EXOC4: variants seen among roughly 807,000 people sequenced by gnomAD.
EXOC4 encodes the protein exocyst complex component 4.
Under a neutral mutation model 107.2 loss-of-function variants are expected in EXOC4, and 71 were observed. The observed-to-expected ratio is 0.66, with a 90% CI of 0.55 to 0.81. The LOEUF is 0.81. EXOC4 is among the 30% of genes least tolerant of loss of function. EXOC4 has a pLI of 0.00. For missense variants in EXOC4, 1,108 were observed against 1,189.6 expected (o/e 0.93, Z 1.01); for synonymous variants, 456 against 441.2 (o/e 1.03, Z -0.42).
intron 6 of EXOC4, among the ~76,000 whole-genome samples, chr7:133,359,994 C>A (rs755225093): frequency 3.3e-5 from 5 of 152,086 alleles, no homozygotes; most frequent in Non-Finnish European, 5.9e-5. Flanking sequence ...AATATTCAAC[C>A]ACAATTATTG....
Position 133,809,453 on chromosome 7 carries a change from G to A in EXOC4, c.1515-7872G>A, listed in dbSNP as rs989543860. Among the ~76,000 whole-genome samples, 4 of 152,300 alleles carry A rather than the reference G, an allele frequency of 2.6e-5. No homozygotes were observed. The East Asian group carries it at 7.7e-4, about 29-fold the overall frequency. ...CTTGGACTAAAATGGAGATGAAAGA[G>A]TTCAGATTCATTTTTTTAGTCTTTA... On this transcript the variant is annotated intron_variant, in intron 10 of 17. Coordinates refer to ENST00000253861, the MANE Select transcript of EXOC4 (RefSeq NM_021807.4).
intron 9 of EXOC4, among the ~76,000 whole-genome samples, chr7:133,565,233 G>C (rs893077094): frequency 6.6e-6 from 1 of 152,138 alleles, no homozygotes; most frequent in South Asian, 2.1e-4. Context: ...GGCTTAGTTT[G>C]CTCTCCGAAG....
At chr7:133,841,284 G>T (rs1047499532) in intron 11 of EXOC4, among the ~76,000 whole-genome samples, 3 of 152,158 alleles carry the variant, frequency 2.0e-5, no homozygotes, top group African/African-American at 7.2e-5. Flanking sequence ...TCACCTTGGG[G>T]GTTAGGATTT....
At chr7:133,363,234 A>G (rs1563035912) in intron 6 of EXOC4, among the ~76,000 whole-genome samples, 1 of 152,216 alleles carries the variant, frequency 6.6e-6, no homozygotes, top group Non-Finnish European at 1.5e-5. Flanking sequence ...CTATTCTTCA[A>G]CTAGGATATG....
At position 133,319,873 on chromosome 7, in the gene EXOC4, AAAG is replaced by A. The variant is rs1458286481; in HGVS notation, c.763+2487_763+2489del. ...TTTTTTTTTTTTGTGCGTGACCAAA[AAAG>A]AAGGTAAAAATATTATTGATTAAAG... On this transcript the variant is annotated intron_variant, in intron 5 of 17. Coordinates refer to ENST00000253861, the MANE Select transcript of EXOC4 (RefSeq NM_021807.4). Among the ~76,000 whole-genome samples the A allele has an allele frequency of 9.3e-5, 14 of 150,652 alleles. No individual in the cohort carries two copies. In the East Asian group the frequency reaches 2.1e-3, roughly 23 times the overall value.
intron 17 of EXOC4, among the ~76,000 whole-genome samples, chr7:134,046,113 G>C (rs1341196937): frequency 7.2e-5 from 11 of 152,118 alleles, no homozygotes; most frequent in African/African-American, 2.2e-4. Flanking sequence ...CAGATCTTAA[G>C]TACACAGCTT....
At chr7:133,363,490 A>G (rs183164059) in intron 6 of EXOC4, among the ~76,000 whole-genome samples, 1 of 152,012 alleles carries the variant, frequency 6.6e-6, no homozygotes, top group African/African-American at 2.4e-5. Context: ...GACAGCTATC[A>G]TTCTGGTTGT....
intron 7 of EXOC4, among the ~76,000 whole-genome samples, chr7:133,380,059 A>T (rs1204904231): frequency 2.0e-5 from 3 of 151,790 alleles, no homozygotes; most frequent in Non-Finnish European, 4.4e-5. Flanking sequence ...TGTTCACAGG[A>T]AGGGGAACAT....
intron 9 of EXOC4, among the ~76,000 whole-genome samples, chr7:133,521,354 C>T (rs948192068): frequency 6.6e-6 from 1 of 152,166 alleles, no homozygotes; most frequent in African/African-American, 2.4e-5. Flanking sequence ...GATTTTCTCA[C>T]TGAGAATAAT....
chr7:133,910,059 G>A (rs1246944102), intron 12 of EXOC4, among the ~76,000 whole-genome samples: 2 of 149,400 alleles, frequency 1.3e-5, no homozygotes, highest in Non-Finnish European at 3.0e-5. Context: ...AAGTAACTGG[G>A]ATCACAGGCA....
chr7:133,769,456 A>G (rs561280833), intron 10 of EXOC4, among the ~76,000 whole-genome samples: 1 of 151,900 alleles, frequency 6.6e-6, no homozygotes, highest in South Asian at 2.1e-4. Flanking sequence ...CATGTTTTTG[A>G]TCCATCAAAT....
At chr7:133,726,656 C>T (rs981227858) in intron 10 of EXOC4, among the ~76,000 whole-genome samples, 3 of 152,162 alleles carry the variant, frequency 2.0e-5, no homozygotes, top group Admixed American at 2.0e-4. Context: ...CCTTCTTTGC[C>T]TCTTGAAATC....
intron 9 of EXOC4, among the ~76,000 whole-genome samples, chr7:133,570,202 G>A (rs566018964): frequency 5.9e-5 from 9 of 152,176 alleles, no homozygotes; most frequent in East Asian, 1.9e-4. Flanking sequence ...TGCATTTAGA[G>A]CCTCTGTACA....
intron 14 of EXOC4, among the ~76,000 whole-genome samples, chr7:133,958,358 A>G (rs1435195420): frequency 4.0e-5 from 6 of 151,790 alleles, no homozygotes; most frequent in Admixed American, 3.9e-4. Flanking sequence ...TCATCCATTT[A>G]TCTCTGCTAA....
intron 17 of EXOC4, among the ~76,000 whole-genome samples, chr7:134,021,082 C>T (rs1795019194): frequency 6.6e-6 from 1 of 151,980 alleles, no homozygotes; most frequent in South Asian, 2.1e-4. Flanking sequence ...AGCCAGAGAG[C>T]GGTTTGAGAG....
intron 4 of EXOC4, among the ~76,000 whole-genome samples, chr7:133,307,278 G>A (rs1377210523): frequency 6.6e-6 from 1 of 152,182 alleles, no homozygotes; most frequent in African/African-American, 2.4e-5. Flanking sequence ...CAGGCACACA[G>A]ATTTGATATG....
chr7:133,619,714 G>C (rs1474985772), intron 9 of EXOC4, among the ~76,000 whole-genome samples: 2 of 152,162 alleles, frequency 1.3e-5, no homozygotes, highest in Admixed American at 1.3e-4. Flanking sequence ...AGTGAGAAGA[G>C]AAACCATATT....
intron 7 of EXOC4, among the ~76,000 whole-genome samples, chr7:133,425,239 C>T (rs1396443308): frequency 6.6e-6 from 1 of 152,080 alleles, no homozygotes; most frequent in Non-Finnish European, 1.5e-5. Context: ...AAATAAAATT[C>T]TAAGGCCCCC....
intron 9 of EXOC4, among the ~76,000 whole-genome samples, chr7:133,584,200 A>G (rs1269924002): frequency 6.6e-6 from 1 of 152,154 alleles, no homozygotes; most frequent in Non-Finnish European, 1.5e-5. Flanking sequence ...GGCTTTGAGT[A>G]TCATTAGCAT....
Sources: gnomAD v4.1 joint callset for allele counts (sites outside exome capture counted in the v4.1 genomes callset) on GRCh38, gnomAD v4.1.1 for gene constraint, MANE v1.5 for transcripts, NCBI Gene and HGNC (gene_info 2026-07-23, HGNC 2026-07-21) for gene names.